The following TP53BP1 variants were observed in gnomAD, a reference collection of about 807,000 sequenced individuals.
TP53BP1 encodes the protein tumor protein p53 binding protein 1.
In TP53BP1, 61 loss-of-function variants were observed where a neutral mutation model predicts 200.8. That is an observed-to-expected ratio of 0.30 (90% CI 0.25 to 0.38). TP53BP1 has a LOEUF of 0.38. Among genes scored for constraint, TP53BP1 ranks in the 10% least tolerant of loss-of-function variants. The pLI, the probability that TP53BP1 is intolerant of heterozygous loss-of-function variation, is 1.00. For missense variants in TP53BP1, 2,144 were observed against 2,371.9 expected (o/e 0.90, Z 2.00); for synonymous variants, 822 against 844.3 (o/e 0.97, Z 0.46).
Position 43,445,684 on chromosome 15 carries a change from TTCTC to T in TP53BP1, c.3040+699_3040+702del, listed in dbSNP as rs45618638. ...ATCATACAGTATATGTGAAGAGTCATTCTCTCTTTTTTTCCTCCCCCTTACTTCC... is the reference window on the plus strand; with the variant it reads ...ATCATACAGTATATGTGAAGAGTCATTCTTTTTTTCCTCCCCCTTACTTCC... On this transcript the variant is annotated intron_variant, in intron 14 of 27. Coordinates refer to ENST00000382044, the MANE Select transcript of TP53BP1 (RefSeq NM_001141980.3). 2.7e-3 allele frequency among the ~76,000 whole-genome samples: 416 copies of T among 152,228 alleles called. 6 individuals are homozygous for T. Among genetic ancestry groups the T allele is most frequent in the Admixed American group, 0.021 (328 of 15,280 alleles).
intron 6 of TP53BP1, 48 bp downstream of exon 6, chr15:43,479,811 A>G: frequency 6.2e-7 from 1 of 1,601,938 alleles, no homozygotes. Flanking sequence ...TACCTCTAAT[A>G]TGGGAGAAAA....
chr15:43,432,137 T>C (rs2045684439), intron 17 of TP53BP1, 57 bp downstream of exon 17: 2 of 1,555,614 alleles, frequency 1.3e-6, no homozygotes, highest in South Asian at 1.2e-5. Flanking sequence ...TTAAATTCTC[T>C]GAGAATCCTG....
intron 4 of TP53BP1, among the ~76,000 whole-genome samples, chr15:43,489,827 T>C (rs1319717167): frequency 1.3e-5 from 2 of 152,216 alleles, no homozygotes; most frequent in Non-Finnish European, 2.9e-5. Flanking sequence ...GTTTGCAGGT[T>C]GTTCTAAAGC....
chr15:43,491,809 C>A (rs749566141), intron 3 of TP53BP1, 56 bp from the exon 4 acceptor site: 9 of 1,421,196 alleles, frequency 6.3e-6, no homozygotes, highest in Non-Finnish European at 8.9e-6. Flanking sequence ...AACCTTAATA[C>A]AAAATCAGGA....
Position 43,432,231 on chromosome 15 carries a change from C to T in TP53BP1, c.3638G>A (p.Ser1213Asn). 1 of 1,614,160 alleles carries T rather than the reference C, an allele frequency of 6.2e-7. No individual in the cohort carries two copies. The highest frequency in any genetic ancestry group is 8.5e-7 in the Non-Finnish European group (1 of 1,180,000). ...CGACTCTGTATCATCCCCAGGAGCA[C>T]TGACTGGTTTCTCACCACTCCCCCT... ...TERGSGEKPVSAPGDDTESLH... is the reference protein window; with the variant it reads ...TERGSGEKPVNAPGDDTESLH... The change falls in exon 17 of 28, where the codon AGT (serine) becomes AAT (asparagine). Residue 1213 changes from serine (S) to asparagine (N), a missense_variant. Physicochemically the swap from Ser to Asn is conservative, Grantham distance 46. Transcript: ENST00000382044.
chr15:43,455,788 C>G, intron 12 of TP53BP1, 104 bp downstream of exon 12: 1 of 1,352,742 alleles, frequency 7.4e-7, no homozygotes, highest in Non-Finnish European at 1.0e-6. Flanking sequence ...TAAACATAAA[C>G]CAAAGATAGT....
chr15:43,492,534 T>C (rs1441897227), intron 1 of TP53BP1, 66 bp from the exon 2 acceptor site: 20 of 1,335,512 alleles, frequency 1.5e-5, no homozygotes, highest in Non-Finnish European at 2.0e-5. Flanking sequence ...AGTCTAAACC[T>C]AAATAATGGG....
chr15:43,492,488 G>A lies in TP53BP1; in HGVS notation c.8-20C>T, dbSNP rs1458010835. 2 of 1,604,712 alleles carry A rather than the reference G, an allele frequency of 1.2e-6. No homozygotes were observed. The highest frequency in any genetic ancestry group is 4.5e-5 in the East Asian group (2 of 44,846). The stretch of plus-strand genomic sequence containing the variant: ...GCTCCCCTGGAATGGAATAACAAAA[G>A]ATCAGTTCCGTGTAACCTACTAGCC... On this transcript the variant is annotated intron_variant, in intron 1 of 27. Coordinates refer to ENST00000382044, the MANE Select transcript of TP53BP1 (RefSeq NM_001141980.3).
At chr15:43,492,924 C>T in intron 1 of TP53BP1, 113 bp downstream of exon 1, 1 of 890,694 alleles carries the variant, frequency 1.1e-6, no homozygotes, top group Non-Finnish European at 1.7e-6. Flanking sequence ...CCAACCCCTT[C>T]CCCGTCACCG....
chr15:43,491,524 A>G (rs2079122395), intron 4 of TP53BP1, 145 bp downstream of exon 4: 1 of 700,542 alleles, frequency 1.4e-6, no homozygotes, highest in Non-Finnish European at 2.6e-6. Flanking sequence ...TACTATTACA[A>G]TACTATCTAA....
At position 43,467,643 on chromosome 15, in the gene TP53BP1, C is replaced by T. The variant is rs904581247; in HGVS notation, c.1389+2215G>A. ...CTTTGTGGCCAGGCATCATCTCCAC[C>T]CCCCCAACCAGCAGGAATACCTTTC... On this transcript the variant is annotated intron_variant, in intron 11 of 27. Coordinates refer to ENST00000382044, the MANE Select transcript of TP53BP1 (RefSeq NM_001141980.3). Among the ~76,000 whole-genome samples the T allele has an allele frequency of 2.0e-5, 3 of 152,076 alleles. No individual in the cohort carries two copies. In the South Asian group the frequency reaches 6.2e-4, roughly 32 times the overall value.
At chr15:43,439,935 T>A (rs989047127) in intron 15 of TP53BP1, among the ~76,000 whole-genome samples, 1 of 152,208 alleles carries the variant, frequency 6.6e-6, no homozygotes. Context: ...TCTAAGACTA[T>A]ATATCATTAA....
Position 43,432,352 on chromosome 15 carries a change from A to G in TP53BP1, c.3517T>C (p.Ser1173Pro). 6.2e-7 allele frequency: 1 copy of G among 1,614,198 alleles called. No individual in the cohort carries two copies. The change falls in exon 17 of 28, where the codon TCA becomes CCA. Residue 1173 changes from serine to proline, a missense_variant. Physicochemically the swap from Ser to Pro is moderately conservative, Grantham distance 74. Coordinates refer to ENST00000382044, the MANE Select transcript of TP53BP1 (RefSeq NM_001141980.3). Reference protein sequence around the residue: ...ECSLRVPETVSAATQTIKNVC... With the variant: ...ECSLRVPETVPAATQTIKNVC... ...TTCTTTATAGTCTGGGTTGCTGCTG[A>G]AACAGTTTCTGGGACCCTCAAGGAA...
chr15:43,476,851 CCTTTT>C (rs2078890310), intron 8 of TP53BP1, among the ~76,000 whole-genome samples: 1 of 152,176 alleles, frequency 6.6e-6, no homozygotes, highest in South Asian at 2.1e-4. Flanking sequence ...CAAATTATAT[CCTTTT>C]AAGTTTTATG....
intron 4 of TP53BP1, among the ~76,000 whole-genome samples, chr15:43,487,489 T>C (rs1005226125): frequency 2.6e-5 from 4 of 152,116 alleles, no homozygotes; most frequent in Non-Finnish European, 5.9e-5. Flanking sequence ...AGACTTATGC[T>C]CACAGAAAAA....
rs889196250 is a variant in TP53BP1 at position 43,448,540 on chromosome 15, A to C, written c.2717-1055T>G. Among the ~76,000 whole-genome samples, 8 of 152,044 alleles carry C rather than the reference A, an allele frequency of 5.3e-5. No individual in the cohort carries two copies. The East Asian group carries it at 1.2e-3, about 22-fold the overall frequency. On this transcript the variant is annotated intron_variant, in intron 12 of 27. Coordinates refer to ENST00000382044, the MANE Select transcript of TP53BP1 (RefSeq NM_001141980.3). ...TCCTTTAAAACAAAACAAAACAAAA[A>C]AATTTTTTTTTTTTTTTGAGACGGA...
In TP53BP1 at chr15:43,428,234, T is replaced by C. The variant is rs1035051465; in HGVS notation, c.3676-66A>G. The C allele has an allele frequency of 5.0e-6, 7 of 1,389,894 alleles. No homozygotes were observed. The African/African-American group carries it at 7.1e-5, about 14-fold the overall frequency. 86.1% of individuals were successfully genotyped at this position (1,389,894 alleles called of 1,614,324 possible). ...CAAGCTGTCAAAATCACAAATCTTATGCTTCATGATGAGAACTGTTTAGAG... is the reference window on the plus strand; with the variant it reads ...CAAGCTGTCAAAATCACAAATCTTACGCTTCATGATGAGAACTGTTTAGAG... On this transcript the variant is annotated intron_variant, in intron 17 of 27. Transcript: ENST00000382044.
intron 12 of TP53BP1, among the ~76,000 whole-genome samples, chr15:43,449,554 A>G (rs2046120501): frequency 6.6e-6 from 1 of 152,228 alleles, no homozygotes; most frequent in Non-Finnish European, 1.5e-5. Context: ...CCTAATGGAA[A>G]ATTCAGACTT....
At position 43,405,199 on chromosome 15, in the gene TP53BP1, T is replaced by A; in HGVS notation, c.*2184A>T. On this transcript the variant is annotated 3_prime_UTR_variant, in exon 28 of 28. Coordinates refer to ENST00000382044, the MANE Select transcript of TP53BP1 (RefSeq NM_001141980.3). ...TTAATAAGGCTCTTTTTCTCTTTTG[T>A]AGTTTCGGGATGTGAAAATTTCTGG... The A allele has an allele frequency of 6.2e-7, 1 of 1,614,158 alleles. No individual in the cohort carries two copies.
Sources: gnomAD v4.1 joint callset for allele counts (sites outside exome capture counted in the v4.1 genomes callset) on GRCh38, gnomAD v4.1.1 for gene constraint, MANE v1.5 for transcripts, NCBI Gene and HGNC (gene_info 2026-07-23, HGNC 2026-07-21) for gene names.